Variants in LDLRAD3 observed in about 807,000 individuals in gnomAD.
The protein encoded by LDLRAD3 is low density lipoprotein receptor class A domain containing 3.
A neutral mutation model predicts 29.4 loss-of-function variants in LDLRAD3; 20 were observed. That is an observed-to-expected ratio of 0.68 (90% CI 0.48 to 0.99). The LOEUF (loss-of-function observed/expected upper bound fraction) is 0.99. Ranked by LOEUF, LDLRAD3 falls within the 50% of genes least tolerant of loss-of-function variation. The probability of loss-of-function intolerance (pLI) is 0.00; values close to 1 mark genes in which losing one functional copy is unlikely to be tolerated. For missense variants in LDLRAD3, 420 were observed against 454.3 expected (o/e 0.92, Z 0.69); for synonymous variants, 157 against 192.7 (o/e 0.81, Z 1.53).
Position 36,161,334 on chromosome 11 carries a change from G to A in LDLRAD3, c.454+62873G>A, listed in dbSNP as rs573224329. On this transcript the variant is annotated intron_variant, in intron 4 of 5. Coordinates refer to ENST00000315571, the MANE Select transcript of LDLRAD3 (RefSeq NM_174902.4). ...TCCCCATTTTCTAAATGAGGAAATG[G>A]AACTTCAGAGTGATTTTGTTCCAAG... Among the ~76,000 whole-genome samples the A allele has an allele frequency of 3.3e-3, 501 of 152,240 alleles. 2 individuals carry two copies. Among genetic ancestry groups the A allele is most frequent in the Non-Finnish European group, 4.9e-3 (334 of 68,024 alleles).
intron 5 of LDLRAD3, among the ~76,000 whole-genome samples, chr11:36,227,770 T>A (rs899276716): frequency 6.6e-6 from 1 of 152,176 alleles, no homozygotes; most frequent in Non-Finnish European, 1.5e-5. Flanking sequence ...ACAGTTAGGA[T>A]CCTGGCCTGC....
chr11:36,073,471 TG>T (rs1852941438), intron 2 of LDLRAD3, among the ~76,000 whole-genome samples: 1 of 152,222 alleles, frequency 6.6e-6, no homozygotes, highest in Admixed American at 6.5e-5. Context: ...CTCCCCTTTG[TG>T]GAAATAGGGG....
chr11:36,076,078 G>C (rs1852994357), intron 2 of LDLRAD3, among the ~76,000 whole-genome samples: 1 of 152,228 alleles, frequency 6.6e-6, no homozygotes. Context: ...TAGAAACCAA[G>C]ATCTGGGTGC....
intron 4 of LDLRAD3, among the ~76,000 whole-genome samples, chr11:36,188,349 A>G (rs1854885997): frequency 6.7e-6 from 1 of 148,988 alleles, no homozygotes; most frequent in Non-Finnish European, 1.5e-5. Context: ...CACAGGGACA[A>G]AGAAAAGGAG....
intron 4 of LDLRAD3, among the ~76,000 whole-genome samples, chr11:36,201,550 C>T (rs1035028815): frequency 2.6e-5 from 4 of 152,130 alleles, no homozygotes; most frequent in Non-Finnish European, 5.9e-5. Context: ...TTTCAACAGT[C>T]ATTATGCAAA....
At chr11:36,196,428 T>C (rs1855034245) in intron 4 of LDLRAD3, 1 of 152,162 alleles carries the variant, frequency 6.6e-6, no homozygotes, top group Non-Finnish European at 1.5e-5. Flanking sequence ...TTTAAACATA[T>C]CAAATGCTTA....
intron 2 of LDLRAD3, among the ~76,000 whole-genome samples, chr11:36,036,490 C>T (rs934723760): frequency 6.6e-6 from 1 of 152,196 alleles, no homozygotes; most frequent in African/African-American, 2.4e-5. Context: ...GTTTTACCAT[C>T]AGGCTCTACT....
At chr11:36,145,096 G>A (rs1253032527) in intron 4 of LDLRAD3, among the ~76,000 whole-genome samples, 9 of 99,448 alleles carry the variant, frequency 9.0e-5, no homozygotes, top group South Asian at 3.7e-4. Flanking sequence ...CGCCCCGTCC[G>A]GGAGGGAGGT....
chr11:36,200,695 G>T (rs1244040229), intron 4 of LDLRAD3, among the ~76,000 whole-genome samples: 1 of 152,224 alleles, frequency 6.6e-6, no homozygotes, highest in Non-Finnish European at 1.5e-5. Context: ...GAACTTAGGA[G>T]CATACTTAAT....
chr11:36,225,757 AG>A (rs1474153227), intron 4 of LDLRAD3, among the ~76,000 whole-genome samples: 1 of 152,028 alleles, frequency 6.6e-6, no homozygotes, highest in Non-Finnish European at 1.5e-5. Flanking sequence ...AGTTGTTATG[AG>A]GCAGAGAGAT....
intron 4 of LDLRAD3, among the ~76,000 whole-genome samples, chr11:36,206,853 A>AGTAGCTGGATTACAG (rs1458610359): frequency 6.6e-6 from 1 of 150,862 alleles, no homozygotes; most frequent in Non-Finnish European, 1.5e-5. Context: ...CAGCCTCACG[A>AGTAGCTGGATTACAG]GTAGCTGGAT....
At chr11:35,946,123 C>G (rs930066707) in intron 1 of LDLRAD3, among the ~76,000 whole-genome samples, 1 of 152,148 alleles carries the variant, frequency 6.6e-6, no homozygotes, top group East Asian at 1.9e-4. Context: ...AGGGCTGGTC[C>G]TTTTTCCTAA....
intron 3 of LDLRAD3, among the ~76,000 whole-genome samples, chr11:36,094,188 C>T (rs1017056517): frequency 2.0e-5 from 3 of 152,230 alleles, no homozygotes; most frequent in Non-Finnish European, 4.4e-5. Context: ...GCTTGCTTTC[C>T]TCCCTCACTA....
intron 1 of LDLRAD3, among the ~76,000 whole-genome samples, chr11:35,965,329 CA>C (rs1179389760): frequency 6.6e-6 from 1 of 152,156 alleles, no homozygotes; most frequent in Non-Finnish European, 1.5e-5. Flanking sequence ...GAGCTTGCTG[CA>C]ATTGTGCCTT....
chr11:36,079,026 G>GCCGT (rs1297442048), intron 2 of LDLRAD3, among the ~76,000 whole-genome samples: 2 of 152,286 alleles, frequency 1.3e-5, no homozygotes, highest in East Asian at 3.9e-4. Context: ...ATCCTACCAG[G>GCCGT]CCGTGTGAGG....
intron 1 of LDLRAD3, among the ~76,000 whole-genome samples, chr11:35,982,640 G>A (rs1851556023): frequency 1.3e-5 from 2 of 152,066 alleles, no homozygotes; most frequent in Non-Finnish European, 2.9e-5. Flanking sequence ...ATCCACTCAA[G>A]GGCATGTCTG....
rs1268090068 is a variant in LDLRAD3, at chr11:36,190,069, GA to G, written c.455-37015del. Among the ~76,000 whole-genome samples the G allele has an allele frequency of 9.8e-5, 14 of 143,146 alleles. No homozygotes were observed. In the East Asian group the frequency reaches 2.6e-3, roughly 27 times the overall value. The allele number at this position is 143,146 out of a possible 152,430, so 93.9% of individuals were successfully genotyped here. A position where few individuals can be genotyped will look rare whatever the true frequency, so the allele number is the denominator to read the frequency against. On this transcript the variant is annotated intron_variant, in intron 4 of 5. Transcript: ENST00000315571. ...GACAGAACACTCACACATCTAGGGG[GA>G]GGGGGGAGGGGAGGAGGAGGAGAAA...
At chr11:36,114,884 C>T (rs556799445) in intron 4 of LDLRAD3, among the ~76,000 whole-genome samples, 1 of 152,334 alleles carries the variant, frequency 6.6e-6, no homozygotes, top group African/African-American at 2.4e-5. Flanking sequence ...GATTCTTTGG[C>T]ACTCCTACCT....
chr11:35,998,776 CT>C (rs1429408272), intron 1 of LDLRAD3, among the ~76,000 whole-genome samples: 3 of 152,142 alleles, frequency 2.0e-5, no homozygotes, highest in Non-Finnish European at 4.4e-5. Context: ...GCGGTTATTG[CT>C]TTTGTTCGAA....
Sources: gnomAD v4.1 joint callset for allele counts (sites outside exome capture counted in the v4.1 genomes callset) on GRCh38, gnomAD v4.1.1 for gene constraint, MANE v1.5 for transcripts, NCBI Gene and HGNC (gene_info 2026-07-23, HGNC 2026-07-21) for gene names.